Variants in VPS13B observed in about 807,000 individuals in gnomAD.
VPS13B encodes vacuolar protein sorting 13 homolog B, also known as intermembrane lipid transfer protein VPS13B.
A neutral mutation model predicts 426.4 loss-of-function variants in VPS13B; 285 were observed. That is an observed-to-expected ratio of 0.67 (90% CI 0.61 to 0.74). The LOEUF (loss-of-function observed/expected upper bound fraction) is 0.74, where lower values mean the gene tolerates loss of function less well. VPS13B is among the 30% of genes least tolerant of loss of function. The pLI is 0.00. For missense variants in VPS13B, 4,537 were observed against 4,782.6 expected (o/e 0.95, Z 1.51); for synonymous variants, 1,676 against 1,676.4 (o/e 1.00, Z 0.01).
chr8:99,274,095 A>AG, intron 17 of VPS13B, 103 bp from the exon 18 acceptor site: 1 of 1,464,384 alleles, frequency 6.8e-7, no homozygotes, highest in South Asian at 1.2e-5. Context: ...AGAACATCTG[A>AG]GGTAGACAGT....
At chr8:99,413,282 C>T (rs1321808222) in intron 21 of VPS13B, among the ~76,000 whole-genome samples, 3 of 152,086 alleles carry the variant, frequency 2.0e-5, no homozygotes, top group Non-Finnish European at 4.4e-5. Flanking sequence ...CTGGTTTACT[C>T]TTGGGAGGGT....
chr8:99,672,279 G>T (rs1171154949), intron 35 of VPS13B, among the ~76,000 whole-genome samples: 1 of 152,068 alleles, frequency 6.6e-6, no homozygotes, highest in Non-Finnish European at 1.5e-5. Flanking sequence ...ATGAACACAG[G>T]ATATCTTTCC....
At chr8:99,414,981 G>T (rs1161768288) in intron 21 of VPS13B, among the ~76,000 whole-genome samples, 1 of 152,048 alleles carries the variant, frequency 6.6e-6, no homozygotes, top group East Asian at 1.9e-4. Context: ...AGTTCTCCTG[G>T]ATAATATCCT....
At chr8:99,385,067 G>A (rs571902785) in intron 20 of VPS13B, among the ~76,000 whole-genome samples, 198 of 152,230 alleles carry the variant, frequency 1.3e-3, no homozygotes, top group African/African-American at 4.4e-3. Context: ...GATTGGGATG[G>A]TTGGTGCAAA....
At chr8:99,813,200 C>T (rs142656756) in intron 44 of VPS13B, among the ~76,000 whole-genome samples, 29 of 152,254 alleles carry the variant, frequency 1.9e-4, no homozygotes, top group Non-Finnish European at 2.1e-4. Context: ...CCCTCCCTGG[C>T]CACTTTTAAG....
intron 23 of VPS13B, among the ~76,000 whole-genome samples, chr8:99,453,038 G>C (rs766662695): frequency 4.6e-5 from 7 of 152,120 alleles, no homozygotes; most frequent in Non-Finnish European, 8.8e-5. Context: ...AAAATATTTT[G>C]ACAGAAATGG....
At chr8:99,793,086 C>A (rs575761278) in intron 43 of VPS13B, among the ~76,000 whole-genome samples, 2 of 150,434 alleles carry the variant, frequency 1.3e-5, no homozygotes, top group South Asian at 4.2e-4. Context: ...CACCTGTAGT[C>A]CCACCTACTC....
intron 51 of VPS13B, among the ~76,000 whole-genome samples, chr8:99,825,845 G>GT (rs573082414): frequency 6.6e-6 from 1 of 152,120 alleles, no homozygotes; most frequent in African/African-American, 2.4e-5. Context: ...CTCATTGCTT[G>GT]TTTTTGTCAG....
chr8:99,378,218 T>C (rs960732623), intron 19 of VPS13B, among the ~76,000 whole-genome samples: 1 of 146,326 alleles, frequency 6.8e-6, no homozygotes, highest in African/African-American at 2.5e-5. Context: ...GTGATATTCC[T>C]CTTACCCGTT....
At chr8:99,139,600 G>A (rs1186841398) in intron 12 of VPS13B, among the ~76,000 whole-genome samples, 1 of 151,794 alleles carries the variant, frequency 6.6e-6, no homozygotes, top group East Asian at 1.9e-4. Flanking sequence ...ACCACGCCTG[G>A]CTAACTTTTT....
intron 33 of VPS13B, among the ~76,000 whole-genome samples, chr8:99,617,887 T>A (rs976042337): frequency 6.6e-6 from 1 of 152,226 alleles, no homozygotes; most frequent in Non-Finnish European, 1.5e-5. Flanking sequence ...GTCCATTCCC[T>A]GTCCACTCCT....
chr8:99,274,134 G>A, intron 17 of VPS13B, 64 bp from the exon 18 acceptor site: 1 of 1,603,068 alleles, frequency 6.2e-7, no homozygotes, highest in Non-Finnish European at 8.5e-7. Context: ...AAATGCCTTG[G>A]TGAAGGAATA....
intron 39 of VPS13B, among the ~76,000 whole-genome samples, chr8:99,764,695 G>A (rs1380733938): frequency 6.6e-6 from 1 of 151,838 alleles, no homozygotes. Context: ...GATTTCAGAC[G>A]TGAGCCACCA....
chr8:99,318,972 T>G (rs1053249655), intron 19 of VPS13B, among the ~76,000 whole-genome samples: 23 of 152,220 alleles, frequency 1.5e-4, no homozygotes, highest in African/African-American at 5.5e-4. Flanking sequence ...ATGCCCCTTT[T>G]TGTAACATGT....
intron 22 of VPS13B, among the ~76,000 whole-genome samples, chr8:99,438,969 C>T (rs972744717): frequency 1.4e-4 from 21 of 152,018 alleles, no homozygotes; most frequent in Admixed American, 1.1e-3. Flanking sequence ...CTTTAGCAAA[C>T]GTTTAGGTAA....
chr8:99,310,205 A>G (rs1820876316), intron 19 of VPS13B, among the ~76,000 whole-genome samples: 1 of 152,120 alleles, frequency 6.6e-6, no homozygotes, highest in South Asian at 2.1e-4. Flanking sequence ...CCTGGCCAGA[A>G]CTTCCAACAC....
intron 33 of VPS13B, among the ~76,000 whole-genome samples, chr8:99,624,380 T>C (rs1828510812): frequency 6.6e-6 from 1 of 152,154 alleles, no homozygotes; most frequent in African/African-American, 2.4e-5. Context: ...GGCCTGATGA[T>C]GTTTAGAAGA....
rs868751696 is a variant in VPS13B at position 99,588,217 on chromosome 8, G to A, written c.5220+10584G>A. On this transcript the variant is annotated intron_variant, in intron 33 of 61. Coordinates refer to ENST00000357162, the MANE Select transcript of VPS13B (RefSeq NM_152564.5). The stretch of plus-strand genomic sequence containing the variant: ...CCAGTACCATGCTGTTTTGGTTACT[G>A]TAGCCTTGTAGTATAGTTTGAAGTC... 2.8e-4 allele frequency among the ~76,000 whole-genome samples: 42 copies of A among 151,684 alleles called. 1 individual carries two copies. The highest frequency in any genetic ancestry group is 9.8e-5 in the African/African-American group (4 of 41,016).
intron 4 of VPS13B, among the ~76,000 whole-genome samples, chr8:99,101,579 A>G (rs1846751552): frequency 1.3e-5 from 2 of 152,252 alleles, no homozygotes; most frequent in East Asian, 3.8e-4. Flanking sequence ...AGTAATTGTT[A>G]CTTTAAATCT....
Sources: allele counts gnomAD v4.1 joint callset (sites outside exome capture counted in the v4.1 genomes callset), GRCh38; gene constraint gnomAD v4.1.1; transcripts MANE v1.5; gene names NCBI Gene and HGNC (gene_info 2026-07-23, HGNC 2026-07-21).